Variants in LIMS2 observed in about 807,000 individuals in gnomAD.
LIMS2 encodes LIM zinc finger domain containing 2.
Under a neutral mutation model 45.3 loss-of-function variants are expected in LIMS2, and 30 were observed. That is an observed-to-expected ratio of 0.66 (90% CI 0.50 to 0.90). LIMS2 has a LOEUF of 0.90. Ranked by LOEUF, LIMS2 falls within the 40% of genes least tolerant of loss-of-function variation. The pLI is 0.00. For synonymous variants in LIMS2, 173 were observed against 188.0 expected (o/e 0.92, Z 0.65); for missense variants, 485 against 468.7 (o/e 1.03, Z -0.32).
Position 127,671,405 on chromosome 2 carries a change from C to A in LIMS2, c.11+3609G>T. On this transcript the variant is annotated intron_variant, in intron 1 of 9. Coordinates refer to ENST00000355119, the MANE Select transcript of LIMS2 (RefSeq NM_001161403.3). The surrounding 1 kb of genome is among the most constrained non-coding windows in gnomAD (Gnocchi z 4.1). ...CTGAGATCACGCCACTGCACTCCAG[C>A]TTGGGTGACAGAGCGAGACTCCATC... Among the ~76,000 whole-genome samples the A allele has an allele frequency of 6.6e-6, 1 of 150,422 alleles. No individual in the cohort carries two copies. The highest frequency in any genetic ancestry group is 1.5e-5 in the Non-Finnish European group (1 of 67,846).
chr2:127,654,901 A>C lies in LIMS2; in HGVS notation c.172-5T>G, dbSNP rs1313024017. The stretch of plus-strand genomic sequence containing the variant: ...GCAGTACTTCCGGCCTTCAAACTGC[A>C]AAGGGGTCGCAGAGAGAGGACAAGC... On this transcript the variant is annotated splice_polypyrimidine_tract_variant and splice_region_variant and intron_variant, in intron 2 of 9. Coordinates refer to ENST00000355119, the MANE Select transcript of LIMS2 (RefSeq NM_001161403.3). The C allele has an allele frequency of 2.5e-6, 4 of 1,613,762 alleles. No individual in the cohort carries two copies. The highest frequency in any genetic ancestry group is 3.4e-6 in the Non-Finnish European group (4 of 1,179,794).
In LIMS2 at chr2:127,657,569, GCAGGAGA is replaced by G; in HGVS notation, c.12-14_12-8del. The G allele has an allele frequency of 6.3e-7, 1 of 1,590,102 alleles. No homozygotes were observed. Among genetic ancestry groups the G allele is most frequent in the East Asian group, 2.2e-5 (1 of 44,752 alleles). On this transcript the variant is annotated splice_polypyrimidine_tract_variant and splice_region_variant and intron_variant, in intron 1 of 9. Transcript: ENST00000355119. ...CAAGGCGTCCGACATATTGCTGGGG[GCAGGAGA>G]CAGGAGGAGTGAGTCAGAGCTGGTC...
At chr2:127,657,743 G>A (rs1336541368) in intron 1 of LIMS2, among the ~76,000 whole-genome samples, 181 bp from the exon 2 acceptor site, 1 of 152,168 alleles carries the variant, frequency 6.6e-6, no homozygotes, top group African/African-American at 2.4e-5. Flanking sequence ...CCACCCCTTG[G>A]GGTGTCAGGG....
At chr2:127,658,978 C>T (rs528460399) in intron 1 of LIMS2, among the ~76,000 whole-genome samples, 2 of 152,320 alleles carry the variant, frequency 1.3e-5, no homozygotes, top group South Asian at 4.1e-4. Context: ...GGCTGTTCTG[C>T]GGCCTGCAAT....
upstream of LIMS2, among the ~76,000 whole-genome samples, chr2:127,680,039 G>T (rs1685582261): frequency 6.6e-6 from 1 of 152,234 alleles, no homozygotes; most frequent in African/African-American, 2.4e-5. Flanking sequence ...TCAGGGCACT[G>T]GGAACTGGCA....
intron 1 of LIMS2, among the ~76,000 whole-genome samples, chr2:127,680,944 G>A (rs925242006): frequency 2.0e-5 from 3 of 152,150 alleles, no homozygotes; most frequent in Admixed American, 2.0e-4. Flanking sequence ...CCTCACCTGC[G>A]GGGCACCTGC....
rs1229662490 is a variant in LIMS2 at position 127,654,815 on chromosome 2, T to C, written c.238+15A>G. ...TTCCCAGGCAGCCCAGGATGTGTAC[T>C]GTCACCGGCCTTACCGCAGGATCCA... On this transcript the variant is annotated intron_variant, in intron 3 of 9. Coordinates refer to ENST00000355119, the MANE Select transcript of LIMS2 (RefSeq NM_001161403.3). 1.1e-5 allele frequency: 18 copies of C among 1,613,730 alleles called. No individual in the cohort carries two copies. The highest frequency in any genetic ancestry group is 1.5e-5 in the Non-Finnish European group (18 of 1,179,806).
At chr2:127,677,432 T>A (rs1685527357), upstream of LIMS2, among the ~76,000 whole-genome samples, 1 of 152,162 alleles carries the variant, frequency 6.6e-6, no homozygotes, top group East Asian at 1.9e-4. This position sits in a 1 kb window ranked among gnomAD's most constrained non-coding sequence, Gnocchi z 5.0. Context: ...GGAAAGTTTC[T>A]GAGCAGGTGA....
Position 127,642,944 on chromosome 2 carries a change from T to G in LIMS2, c.488A>C (p.His163Pro). 1 of 1,564,798 alleles carries G rather than the reference T, an allele frequency of 6.4e-7. No individual in the cohort carries two copies. Among genetic ancestry groups the G allele is most frequent in the Non-Finnish European group, 8.7e-7 (1 of 1,154,838 alleles). Residue 163 changes from histidine to proline, a missense_variant, in exon 5 of 10, where the codon CAC becomes CCC. By Grantham distance (77) the His-to-Pro change is moderately conservative. Transcript: ENST00000355119. The surrounding 1 kb of genome is among the most constrained non-coding windows in gnomAD (Gnocchi z 5.3). ...CTACCCACAGTGGGTGCAGTTGAAG[T>G]GGTCAGGGTGGTAGGCGTCGCTCCT... ...MFRSDAYHPD[H>P]FNCTHCGKEL...
intron 4 of LIMS2, 93 bp downstream of exon 4, chr2:127,654,331 G>A (rs919104031): frequency 1.2e-5 from 19 of 1,556,156 alleles, no homozygotes; most frequent in African/African-American, 2.7e-5. Flanking sequence ...ACCCTTCTGC[G>A]CCCTCAGCAA....
Position 127,680,600 on chromosome 2 carries a change from G to A in LIMS2, c.-5+720C>T, listed in dbSNP as rs1212701089. On this transcript the variant is annotated intron_variant, in intron 1 of 9. Transcript: ENST00000410011. ...CAGTGAGAGAAGCTGGCGGAATGTC[G>A]ATCCACAATTCTCTCAACATTTGCA... 2.6e-5 allele frequency among the ~76,000 whole-genome samples: 4 copies of A among 152,272 alleles called. No individual in the cohort carries two copies. The East Asian group carries it at 5.8e-4, about 22-fold the overall frequency.
At position 127,657,521 on chromosome 2, in the gene LIMS2, C is replaced by T. The variant is rs1382426124; in HGVS notation, c.53G>A (p.Cys18Tyr). The change falls in exon 2 of 10, where the codon TGC becomes TAC. Residue 18 changes from cysteine to tyrosine, a missense_variant. Transcript: ENST00000355119. ...CTCGGCGGGGGAGAAGCGGGCCTGG[C>T]AGCGCTGGCACACGGCGTTGGCCAA... The part of the protein sequence containing the change: ...DALANAVCQR[C>Y]QARFSPAERI... The T allele has an allele frequency of 5.6e-6, 9 of 1,611,796 alleles. No homozygotes were observed. The highest frequency in any genetic ancestry group is 6.8e-6 in the Non-Finnish European group (8 of 1,179,174).
chr2:127,651,044 A>G, intron 4 of LIMS2: 2 of 1,613,730 alleles, frequency 1.2e-6, no homozygotes, highest in South Asian at 2.2e-5. Context: ...GGGAAATCGC[A>G]TGCCGTCTCA....
At chr2:127,659,663 C>G (rs1684486055) in intron 1 of LIMS2, among the ~76,000 whole-genome samples, 1 of 152,220 alleles carries the variant, frequency 6.6e-6, no homozygotes, top group African/African-American at 2.4e-5. Flanking sequence ...AATCCCATGG[C>G]TCTGGGCCTG....
At position 127,664,854 on chromosome 2, in the gene LIMS2, A is replaced by T. The variant is rs1473525702; in HGVS notation, c.12-7292T>A. On this transcript the variant is annotated intron_variant, in intron 1 of 9. Transcript: ENST00000355119. The surrounding 1 kb of genome is among the most constrained non-coding windows in gnomAD (Gnocchi z 5.5). ...ATCCCTGCCAACAGTTAGGAAACCGAGGACCGGAGCCACACAGGCCCACAT... is the reference window on the plus strand; with the variant it reads ...ATCCCTGCCAACAGTTAGGAAACCGTGGACCGGAGCCACACAGGCCCACAT... Among the ~76,000 whole-genome samples, 1 of 152,214 alleles carries T rather than the reference A, an allele frequency of 6.6e-6. No individual in the cohort carries two copies. The highest frequency in any genetic ancestry group is 1.5e-5 in the Non-Finnish European group (1 of 68,034).
rs1460518173 is a variant in LIMS2 at position 127,672,604 on chromosome 2, T to C, written c.11+2410A>G. The stretch of plus-strand genomic sequence containing the variant: ...CTGTCCACTCCACCTCCCAGAACCC[T>C]GAGTCAGCCTCCTCTCCTCCACCCG... On this transcript the variant is annotated intron_variant, in intron 1 of 9. Coordinates refer to ENST00000355119, the MANE Select transcript of LIMS2 (RefSeq NM_001161403.3). The surrounding 1 kb of genome is among the most constrained non-coding windows in gnomAD (Gnocchi z 4.9). Among the ~76,000 whole-genome samples the C allele has an allele frequency of 6.6e-6, 1 of 152,150 alleles. No individual in the cohort carries two copies. The highest frequency in any genetic ancestry group is 2.4e-5 in the African/African-American group (1 of 41,430).
chr2:127,658,072 C>T (rs1266232870), intron 1 of LIMS2, among the ~76,000 whole-genome samples: 1 of 152,210 alleles, frequency 6.6e-6, no homozygotes, highest in Non-Finnish European at 1.5e-5. Flanking sequence ...CACATAACCA[C>T]CCAAACACAG....
intron 1 of LIMS2, among the ~76,000 whole-genome samples, chr2:127,670,774 G>A (rs907832152): frequency 2.0e-5 from 3 of 152,242 alleles, no homozygotes; most frequent in Non-Finnish European, 2.9e-5. Flanking sequence ...CCAGTGGGCA[G>A]AGGCAGAGAC....
chr2:127,639,504 C>A, intron 9 of LIMS2, 76 bp from the exon 10 acceptor site: 1 of 1,557,006 alleles, frequency 6.4e-7, no homozygotes, highest in South Asian at 1.2e-5. Flanking sequence ...GTGGAGTGGG[C>A]TTCCCTCAGC....
Sources: allele counts gnomAD v4.1 joint callset (sites outside exome capture counted in the v4.1 genomes callset), GRCh38; gene constraint gnomAD v4.1.1; non-coding constraint Gnocchi (gnomAD v3.1); transcripts MANE v1.5; gene names NCBI Gene and HGNC (gene_info 2026-07-23, HGNC 2026-07-21).